Variants in NCOA6 observed in about 807,000 individuals in gnomAD.
NCOA6 encodes the protein nuclear receptor coactivator 6.
A neutral mutation model predicts 171.4 loss-of-function variants in NCOA6; 49 were observed. The observed-to-expected ratio is 0.29, with a 90% confidence interval of 0.23 to 0.36. The LOEUF (loss-of-function observed/expected upper bound fraction) is 0.36, where lower values mean the gene tolerates loss of function less well. NCOA6 is among the 10% of genes least tolerant of loss of function. NCOA6 has a pLI of 1.00. For missense variants in NCOA6, 2,248 were observed against 2,554.5 expected, an observed-to-expected ratio of 0.88 and a Z score of 2.59; for synonymous variants, 910 against 927.5, an observed-to-expected ratio of 0.98 and a Z score of 0.34.
chr20:34,768,682 T>C, intron 4 of NCOA6, 96 bp from the exon 5 acceptor site: 1 of 1,414,138 alleles, frequency 7.1e-7, no homozygotes. Flanking sequence ...TTCTGTGCTT[T>C]TGAAGAATTA....
chr20:34,763,481 C>T (rs1341827742), intron 5 of NCOA6, among the ~76,000 whole-genome samples: 5 of 152,124 alleles, frequency 3.3e-5, no homozygotes, highest in African/African-American at 9.7e-5. Context: ...ATTGTTAATA[C>T]TCTGACATTC....
intron 1 of NCOA6, among the ~76,000 whole-genome samples, chr20:34,804,584 C>T (rs1417369590): frequency 1.3e-5 from 2 of 150,728 alleles, no homozygotes; most frequent in Admixed American, 6.6e-5. Flanking sequence ...TTTAAATATA[C>T]TCAAATATTG....
chr20:34,752,373 A>G (rs2076515373), intron 8 of NCOA6, among the ~76,000 whole-genome samples: 1 of 152,230 alleles, frequency 6.6e-6, no homozygotes, highest in African/African-American at 2.4e-5. Context: ...TATACTGTGT[A>G]TATTCATTCA....
rs904899962 is a variant in NCOA6, at chr20:34,757,593, T to C, written c.1155A>G (p.Gln385=). ...TCATCTGAGGAAAGTTTGTGTGGGC[T>C]TGTGAGGCTTGCTGGCTGCCAAAGG... ...PYPFGSQQAS[Q]AHTNFPQMSN... is the part of the protein sequence containing the mutation. The change falls in exon 7 of 15, where the codon CAA becomes CAG. Residue 385 remains glutamine, a synonymous_variant. Coordinates refer to ENST00000359003, the MANE Select transcript of NCOA6 (RefSeq NM_014071.5). The C allele has an allele frequency of 1.9e-6, 3 of 1,613,892 alleles. No homozygotes were observed. Among genetic ancestry groups the C allele is most frequent in the Admixed American group, 3.3e-5 (2 of 60,006 alleles).
At chr20:34,805,063 C>T (rs2078401918) in intron 1 of NCOA6, among the ~76,000 whole-genome samples, 1 of 144,634 alleles carries the variant, frequency 6.9e-6, no homozygotes, top group Admixed American at 7.0e-5. Flanking sequence ...TTTTTTAAGA[C>T]AGTCTCATTC....
chr20:34,805,189 C>A (rs1162284285), intron 1 of NCOA6, among the ~76,000 whole-genome samples: 1 of 152,076 alleles, frequency 6.6e-6, no homozygotes, highest in East Asian at 1.9e-4. Flanking sequence ...CAGGCGCGCA[C>A]TACCACGCCC....
chr20:34,757,752 C>A lies in NCOA6; in HGVS notation c.996G>T (p.Gln332His), dbSNP rs747180026. The A allele has an allele frequency of 3.0e-5, 48 of 1,613,984 alleles. No homozygotes were observed. In the Admixed American group the frequency reaches 8.0e-4, roughly 27 times the overall value. Reference protein sequence around the residue: ...PSGALQPPPAQGSLGTMTANQ... With the variant: ...PSGALQPPPAHGSLGTMTANQ... ...TTGCAGTCATTGTGCCCAGAGAACC[C>A]TGGGCTGGAGGAGGTTGAAGGGCTC... Residue 332 changes from glutamine to histidine, a missense_variant, in exon 7 of 15, where the codon CAG becomes CAT. Gln to His is a conservative substitution (Grantham distance 24). Around this residue, in one of 7 missense-constraint regions of NCOA6, gnomAD observed 987 missense variants for 1,104.7 expected, o/e 0.89. Coordinates refer to ENST00000359003, the MANE Select transcript of NCOA6 (RefSeq NM_014071.5).
At chr20:34,725,195 CTCTG>C (rs1989818788) in intron 14 of NCOA6, among the ~76,000 whole-genome samples, 1 of 152,198 alleles carries the variant, frequency 6.6e-6, no homozygotes. Context: ...ATTGGTACAT[CTCTG>C]TATTTGGCAC....
At chr20:34,722,607 G>T (rs1176154531) in intron 14 of NCOA6, among the ~76,000 whole-genome samples, 1 of 149,584 alleles carries the variant, frequency 6.7e-6, no homozygotes, top group East Asian at 2.0e-4. Context: ...TTAAACTCAG[G>T]AGTTCAAGGT....
intron 1 of NCOA6, among the ~76,000 whole-genome samples, chr20:34,797,168 C>T (rs747661508): frequency 4.6e-5 from 7 of 152,144 alleles, no homozygotes; most frequent in African/African-American, 7.2e-5. Flanking sequence ...AATTGTGCCA[C>T]CTCTTCCCAA....
At chr20:34,777,137 AAG>A (rs2077352626) in intron 3 of NCOA6, among the ~76,000 whole-genome samples, 1 of 151,428 alleles carries the variant, frequency 6.6e-6, no homozygotes. Context: ...AAAAAAAAAA[AAG>A]GTAAAGGACA....
chr20:34,762,205 T>A (rs954858359), intron 5 of NCOA6, among the ~76,000 whole-genome samples: 2 of 152,170 alleles, frequency 1.3e-5, no homozygotes, highest in African/African-American at 4.8e-5. Context: ...ATACCTTCAG[T>A]GATGCTGTTT....
At chr20:34,763,937 C>G (rs1414988894) in intron 5 of NCOA6, among the ~76,000 whole-genome samples, 1 of 151,624 alleles carries the variant, frequency 6.6e-6, no homozygotes, top group East Asian at 1.9e-4. Context: ...CCTTCCCGGC[C>G]ATTAAAACCC....
intron 4 of NCOA6, among the ~76,000 whole-genome samples, chr20:34,771,872 CTTG>C (rs771982245): frequency 6.6e-6 from 1 of 152,214 alleles, no homozygotes; most frequent in East Asian, 1.9e-4. Context: ...ATCAGAACAT[CTTG>C]TTATTTCTGC....
rs765042958 is a variant in NCOA6, at chr20:34,715,383, G to A, written c.6149-18C>T. The A allele has an allele frequency of 7.5e-6, 12 of 1,590,358 alleles. No homozygotes were observed. The highest frequency in any genetic ancestry group is 9.5e-6 in the Non-Finnish European group (11 of 1,158,370). On this transcript the variant is annotated intron_variant, in intron 14 of 14. Transcript: ENST00000359003. ...GGTTATGTCTGTGGGGGAAAGAAAGGACATGTTCAGTGGAAGTAACTCTTT... is the reference window on the plus strand; with the variant it reads ...GGTTATGTCTGTGGGGGAAAGAAAGAACATGTTCAGTGGAAGTAACTCTTT...
chr20:34,768,401 A>G, intron 5 of NCOA6, 63 bp downstream of exon 5: 1 of 1,596,168 alleles, frequency 6.3e-7, no homozygotes, highest in South Asian at 1.1e-5. Flanking sequence ...CAGGGCTCAA[A>G]TGATCAAATA....
rs746386264 is a variant in NCOA6, at chr20:34,741,142, T to G, written c.5114A>C (p.Asn1705Thr). The change falls in exon 11 of 15, where the codon AAC (asparagine) becomes ACC (threonine). Residue 1705 changes from asparagine to threonine, a missense_variant. Coordinates refer to ENST00000359003, the MANE Select transcript of NCOA6 (RefSeq NM_014071.5). The part of the protein sequence containing the change: ...AVVGPLHIPQ[N>T]IKFSSAPVPP... The stretch of plus-strand genomic sequence containing the variant: ...TACAGGAGCAGAAGAAAATTTTATG[T>G]TCTGAGGTATGTGTAAAGGGCCAAC... 4.0e-5 allele frequency: 65 copies of G among 1,614,084 alleles called. No individual in the cohort carries two copies. Among genetic ancestry groups the G allele is most frequent in the Middle Eastern group, 3.3e-4 (2 of 6,084 alleles).
chr20:34,813,166 A>C (rs1448847993), intron 1 of NCOA6, among the ~76,000 whole-genome samples: 1 of 151,238 alleles, frequency 6.6e-6, no homozygotes, highest in African/African-American at 2.4e-5. Flanking sequence ...TCTCAGAAAA[A>C]AAAAAAACAA....
At chr20:34,824,841 A>G (rs1463883069) in intron 1 of NCOA6, among the ~76,000 whole-genome samples, 3 of 151,976 alleles carry the variant, frequency 2.0e-5, no homozygotes, top group African/African-American at 2.4e-5. Context: ...GACTGCCCCA[A>G]TCTGAACCAG....
Sources: allele counts gnomAD v4.1 joint callset (sites outside exome capture counted in the v4.1 genomes callset), GRCh38; gene constraint gnomAD v4.1.1; regional missense constraint gnomAD v4.1.1; transcripts MANE v1.5; gene names NCBI Gene and HGNC (gene_info 2026-07-23, HGNC 2026-07-21).